SHANK2: variants seen among roughly 807,000 people sequenced by gnomAD.
The protein encoded by SHANK2 is SH3 and multiple ankyrin repeat domains 2.
In SHANK2, 43 loss-of-function variants were observed where a neutral mutation model predicts 133.7. That is an observed-to-expected ratio of 0.32 (90% CI 0.25 to 0.41). The LOEUF (loss-of-function observed/expected upper bound fraction) is 0.41, where lower values mean the gene tolerates loss of function less well. Ranked by LOEUF, SHANK2 falls within the 10% of genes least tolerant of loss-of-function variation. The probability of loss-of-function intolerance (pLI) is 1.00; values close to 1 mark genes in which losing one functional copy is unlikely to be tolerated. For synonymous variants in SHANK2, 1,017 were observed against 952.8 expected (o/e 1.07, Z -1.24); for missense variants, 1,994 against 2,235.8 (o/e 0.89, Z 2.18).
intron 11 of SHANK2, among the ~76,000 whole-genome samples, chr11:70,836,139 G>T (rs181381293): frequency 6.6e-6 from 1 of 152,238 alleles, no homozygotes; most frequent in Admixed American, 6.5e-5. Context: ...CCCATGGGGG[G>T]CCAGGGGAAG....
intron 11 of SHANK2, among the ~76,000 whole-genome samples, chr11:70,852,447 G>C (rs1457687443): frequency 1.3e-5 from 2 of 152,150 alleles, no homozygotes; most frequent in Non-Finnish European, 2.9e-5. Context: ...GGGTTGCAGG[G>C]GAAGGGCAGG....
intron 11 of SHANK2, among the ~76,000 whole-genome samples, chr11:70,885,776 A>C (rs1400386658): frequency 1.3e-5 from 2 of 152,128 alleles, no homozygotes; most frequent in Non-Finnish European, 2.9e-5. Context: ...CCTCCAGCGG[A>C]CACTCCCTGG....
chr11:70,639,201 T>C (rs931552249), intron 17 of SHANK2, among the ~76,000 whole-genome samples: 1 of 151,940 alleles, frequency 6.6e-6, no homozygotes, highest in Admixed American at 6.6e-5. Flanking sequence ...CCTCAGGAAA[T>C]GGCCAGTTTG....
chr11:71,135,196 T>C (rs1195909587), intron 3 of SHANK2, among the ~76,000 whole-genome samples: 1 of 152,108 alleles, frequency 6.6e-6, no homozygotes, highest in Admixed American at 6.5e-5. Context: ...CATTGGCGCC[T>C]CACCCCACAG....
chr11:70,900,924 G>T (rs1342908153), intron 10 of SHANK2, among the ~76,000 whole-genome samples: 1 of 152,166 alleles, frequency 6.6e-6, no homozygotes, highest in Non-Finnish European at 1.5e-5. Flanking sequence ...TGGTCTGGGT[G>T]CATGAGGAAG....
chr11:71,112,563 C>A (rs782007941), intron 5 of SHANK2, among the ~76,000 whole-genome samples: 2 of 152,132 alleles, frequency 1.3e-5, no homozygotes, highest in Non-Finnish European at 2.9e-5. Context: ...AGGCAGCTGC[C>A]CGGACTCTCC....
At chr11:70,764,825 TTCCATCCA>T (rs67258133) in intron 14 of SHANK2, among the ~76,000 whole-genome samples, 13,024 of 149,744 alleles carry the variant, frequency 0.087, 712 homozygotes, top group South Asian at 0.27. Flanking sequence ...GCCTCCTCTC[TTCCATCCA>T]TCCATCCATC....
At chr11:71,134,986 C>A (rs1952409655) in intron 3 of SHANK2, among the ~76,000 whole-genome samples, 1 of 152,138 alleles carries the variant, frequency 6.6e-6, no homozygotes, top group South Asian at 2.1e-4. Context: ...ACAACCATGG[C>A]CTCCTTGTCA....
intron 12 of SHANK2, among the ~76,000 whole-genome samples, chr11:70,819,170 C>T (rs781838618): frequency 9.8e-5 from 15 of 152,348 alleles, no homozygotes; most frequent in Middle Eastern, 6.8e-3. Flanking sequence ...TGGCAACGGC[C>T]GGGGAAGCAC....
chr11:70,601,605 G>A lies in SHANK2; in HGVS notation c.2061+58223C>T, dbSNP rs1020814080. Among the ~76,000 whole-genome samples, 5 of 152,188 alleles carry A rather than the reference G, an allele frequency of 3.3e-5. No individual in the cohort carries two copies. In the East Asian group the frequency reaches 9.6e-4, roughly 29 times the overall value. ...GACCTCAGGTGATCCACCTGCCTTG[G>A]CCTCCCAAAGTGCTGAGATTACAGG... On this transcript the variant is annotated intron_variant, in intron 17 of 25. Coordinates refer to ENST00000601538, the MANE Select transcript of SHANK2 (RefSeq NM_012309.5).
rs117300987 is a variant in SHANK2, at chr11:70,767,846, C to T, written c.1777+30597G>A. On this transcript the variant is annotated intron_variant, in intron 14 of 25. Coordinates refer to ENST00000601538, the MANE Select transcript of SHANK2 (RefSeq NM_012309.5). ...TTTAAAATGGTTAATGTCAATTTCG[C>T]CTGAATCAAAACACAAAAACCTTCC... 1.4e-3 allele frequency among the ~76,000 whole-genome samples: 209 copies of T among 152,260 alleles called. 1 individual carries two copies. The highest frequency in any genetic ancestry group is 2.8e-3 in the Admixed American group (43 of 15,302).
At chr11:70,575,934 C>G (rs2060110354) in intron 17 of SHANK2, among the ~76,000 whole-genome samples, 1 of 151,934 alleles carries the variant, frequency 6.6e-6, no homozygotes, top group South Asian at 2.1e-4. Flanking sequence ...CGTGCTGCAG[C>G]CTGGCAGTGT....
At position 70,882,459 on chromosome 11, in the gene SHANK2, G is replaced by A. The variant is rs566733462; in HGVS notation, c.1174+14042C>T. Among the ~76,000 whole-genome samples the A allele has an allele frequency of 8.5e-5, 13 of 152,340 alleles. No homozygotes were observed. Among genetic ancestry groups the A allele is most frequent in the South Asian group, 2.1e-4 (1 of 4,828 alleles). ...TGATTTTCCTTGATAAAATGGCCCA[G>A]TGAAAAAGATCATGACAGAAGCTGC... is the stretch of plus-strand genomic sequence containing the variant. On this transcript the variant is annotated intron_variant, in intron 11 of 25. Coordinates refer to ENST00000601538, the MANE Select transcript of SHANK2 (RefSeq NM_012309.5). The surrounding 1 kb of genome is among the most constrained non-coding windows in gnomAD (Gnocchi z 4.2).
chr11:70,502,121 G>C, intron 19 of SHANK2, 85 bp downstream of exon 19: 1 of 1,436,970 alleles, frequency 7.0e-7, no homozygotes. Flanking sequence ...CAAGCGTGGG[G>C]TCATGCACAG....
At chr11:70,743,692 G>A (rs1485681632) in intron 14 of SHANK2, among the ~76,000 whole-genome samples, 2 of 152,144 alleles carry the variant, frequency 1.3e-5, no homozygotes, top group African/African-American at 4.8e-5. Context: ...GAGCCCCCAC[G>A]GGAAGTTGCT....
intron 17 of SHANK2, among the ~76,000 whole-genome samples, chr11:70,649,986 C>A (rs1399744540): frequency 1.3e-5 from 2 of 152,182 alleles, no homozygotes; most frequent in Non-Finnish European, 2.9e-5. Context: ...ACCTGGTCAG[C>A]AAACTCTCTG....
chr11:70,615,858 G>A (rs1225233269), intron 17 of SHANK2, among the ~76,000 whole-genome samples: 2 of 152,220 alleles, frequency 1.3e-5, no homozygotes. Flanking sequence ...CAACAAGGGA[G>A]GAACTTGCTC....
intron 17 of SHANK2, among the ~76,000 whole-genome samples, chr11:70,547,891 T>C (rs892271927): frequency 6.6e-6 from 1 of 152,224 alleles, no homozygotes; most frequent in Non-Finnish European, 1.5e-5. Context: ...GAGGCTGAGC[T>C]TCATGGCAGC....
chr11:70,644,011 C>T (rs1188524481), intron 17 of SHANK2, among the ~76,000 whole-genome samples: 1 of 152,192 alleles, frequency 6.6e-6, no homozygotes, highest in South Asian at 2.1e-4. Flanking sequence ...AGGGTTTGTA[C>T]GTGGCGGCGA....
Sources: allele counts gnomAD v4.1 joint callset (sites outside exome capture counted in the v4.1 genomes callset), GRCh38; gene constraint gnomAD v4.1.1; non-coding constraint Gnocchi (gnomAD v3.1); transcripts MANE v1.5; gene names NCBI Gene and HGNC (gene_info 2026-07-23, HGNC 2026-07-21).